Variants in EML6 observed in about 807,000 individuals in gnomAD.
EML6 encodes the protein EMAP like 6, also known as echinoderm microtubule-associated protein-like 6.
A neutral mutation model predicts 240.1 loss-of-function variants in EML6; 154 were observed. That is an observed-to-expected ratio of 0.64 (90% CI 0.56 to 0.73). EML6 has a LOEUF of 0.73. EML6 is among the 30% of genes least tolerant of loss of function. The pLI is 0.00. For missense variants in EML6, 2,964 were observed against 2,474.6 expected (o/e 1.20, Z -4.20); for synonymous variants, 1,148 against 899.0 (o/e 1.28, Z -4.95).
intron 2 of EML6, among the ~76,000 whole-genome samples, chr2:54,764,631 C>A (rs1305373069): frequency 2.0e-5 from 3 of 152,124 alleles, no homozygotes; most frequent in Non-Finnish European, 4.4e-5. Context: ...TTAAATTGTG[C>A]CTTCATCAAT....
intron 7 of EML6, among the ~76,000 whole-genome samples, chr2:54,839,803 C>T (rs1669342838): frequency 6.6e-6 from 1 of 152,200 alleles, no homozygotes; most frequent in Admixed American, 6.5e-5. Flanking sequence ...GTCTGAAAAA[C>T]ACTGAGTGCC....
At chr2:54,757,882 CTT>C (rs201468444) in intron 2 of EML6, among the ~76,000 whole-genome samples, 4 of 140,918 alleles carry the variant, frequency 2.8e-5, no homozygotes, top group African/African-American at 7.8e-5. Flanking sequence ...TTTCCAGCTC[CTT>C]TTTTTTTTTT....
intron 7 of EML6, among the ~76,000 whole-genome samples, chr2:54,835,298 T>A (rs1339997444): frequency 6.6e-6 from 1 of 152,222 alleles, no homozygotes; most frequent in African/African-American, 2.4e-5. Context: ...GGATCTTTGT[T>A]CACTGATGCC....
At position 54,962,675 on chromosome 2, in the gene EML6, C is replaced by A; in HGVS notation, c.5121C>A (p.Asn1707Lys). ...AGGACCTCTTCATCTCTGCCAGCAA[C>A]GATGGCACAGCCCGGATCTGGGACC... ...PSKDLFISASNDGTARIWDLA... is the reference protein window; with the variant it reads ...PSKDLFISASKDGTARIWDLA... The change falls in exon 36 of 42, where the codon AAC (asparagine) becomes AAA (lysine). Residue 1707 changes from asparagine to lysine, a missense_variant. By Grantham distance (94) the Asn-to-Lys change is moderately conservative. Coordinates refer to ENST00000356458, the MANE Select transcript of EML6 (RefSeq NM_001039753.4). 1 of 1,526,518 alleles carries A rather than the reference C, an allele frequency of 6.6e-7. No homozygotes were observed. Among genetic ancestry groups the A allele is most frequent in the Non-Finnish European group, 8.8e-7 (1 of 1,134,612 alleles). 94.6% of individuals were successfully genotyped at this position (1,526,518 alleles called of 1,614,324 possible).
At chr2:54,790,592 ATAGACT>A (rs1413202531) in intron 2 of EML6, among the ~76,000 whole-genome samples, 6 of 152,174 alleles carry the variant, frequency 3.9e-5, no homozygotes, top group African/African-American at 1.4e-4. Flanking sequence ...CTACATTTTA[ATAGACT>A]TAGAAGCAAG....
intron 17 of EML6, among the ~76,000 whole-genome samples, chr2:54,884,100 G>T (rs1264809977): frequency 6.6e-6 from 1 of 152,156 alleles, no homozygotes; most frequent in Non-Finnish European, 1.5e-5. Flanking sequence ...CTACCTGGAG[G>T]TAGCCTCAGA....
intron 5 of EML6, 101 bp from the exon 6 acceptor site, chr2:54,827,465 A>G (rs762630897): frequency 2.1e-6 from 2 of 974,982 alleles, no homozygotes; most frequent in South Asian, 3.2e-5. Flanking sequence ...CCTAGCTTGG[A>G]TAGAGCACAT....
intron 2 of EML6, among the ~76,000 whole-genome samples, chr2:54,764,631 C>T (rs1305373069): frequency 6.6e-6 from 1 of 152,124 alleles, no homozygotes; most frequent in Non-Finnish European, 1.5e-5. Context: ...TTAAATTGTG[C>T]CTTCATCAAT....
At chr2:54,939,897 A>G (rs928176761) in intron 28 of EML6, among the ~76,000 whole-genome samples, 2 of 152,254 alleles carry the variant, frequency 1.3e-5, no homozygotes, top group South Asian at 2.1e-4. Flanking sequence ...CTCTCCAGCC[A>G]TCTCAGCGGC....
intron 34 of EML6, 93 bp from the exon 35 acceptor site, chr2:54,960,127 C>T (rs1676427543): frequency 3.1e-6 from 3 of 957,898 alleles, no homozygotes; most frequent in Non-Finnish European, 4.8e-6. Flanking sequence ...CTGGCCAGAA[C>T]CCTGATGACT....
In EML6 at chr2:54,877,748, G is replaced by T. The variant is rs570117995; in HGVS notation, c.2345-1799G>T. Among the ~76,000 whole-genome samples, 5 of 152,264 alleles carry T rather than the reference G, an allele frequency of 3.3e-5. 1 individual carries two copies. Among genetic ancestry groups the T allele is most frequent in the African/African-American group, 1.2e-4 (5 of 41,466 alleles). ...GGTGATGATTTAGCCCTTAAGGAAA[G>T]TGTTAACGTCTTCATCTAATACTAC... On this transcript the variant is annotated intron_variant, in intron 16 of 41. Transcript: ENST00000356458.
intron 7 of EML6, among the ~76,000 whole-genome samples, chr2:54,837,581 C>T (rs933669157): frequency 6.6e-6 from 1 of 152,162 alleles, no homozygotes; most frequent in African/African-American, 2.4e-5. Context: ...GTCATTTGCT[C>T]ATCATCTTTG....
intron 11 of EML6, among the ~76,000 whole-genome samples, chr2:54,857,321 A>G (rs899343622): frequency 6.6e-6 from 1 of 152,142 alleles, no homozygotes; most frequent in African/African-American, 2.4e-5. Context: ...TAGAGAAGAC[A>G]TGAGGGCTGA....
intron 2 of EML6, among the ~76,000 whole-genome samples, chr2:54,780,628 T>C (rs971411172): frequency 6.6e-6 from 1 of 152,244 alleles, no homozygotes; most frequent in African/African-American, 2.4e-5. Context: ...ATGTTAATTG[T>C]CTAAGATAAT....
chr2:54,839,982 C>G (rs1291109251), intron 7 of EML6, among the ~76,000 whole-genome samples: 1 of 152,046 alleles, frequency 6.6e-6, no homozygotes, highest in African/African-American at 2.4e-5. Flanking sequence ...TGAATTTATT[C>G]CCCCAAATAA....
At chr2:54,759,412 C>T (rs1400673910) in intron 2 of EML6, among the ~76,000 whole-genome samples, 1 of 151,508 alleles carries the variant, frequency 6.6e-6, no homozygotes, top group Non-Finnish European at 1.5e-5. Flanking sequence ...GTGGTGGTAA[C>T]TATTATAAGA....
intron 39 of EML6, among the ~76,000 whole-genome samples, chr2:54,967,426 G>A (rs1036646560): frequency 6.6e-6 from 1 of 152,202 alleles, no homozygotes; most frequent in African/African-American, 2.4e-5. Flanking sequence ...CATTCGCTAG[G>A]GGAAGGGAGT....
intron 4 of EML6, among the ~76,000 whole-genome samples, chr2:54,817,682 C>T (rs977597222): frequency 6.6e-6 from 1 of 152,044 alleles, no homozygotes; most frequent in African/African-American, 2.4e-5. Context: ...ATCTTAAGAA[C>T]GTTTACAAAT....
intron 35 of EML6, among the ~76,000 whole-genome samples, chr2:54,961,184 G>GTTGTGTTTTTTTTTTTTTTTTTTTTTTT: frequency 1.8e-5 from 1 of 55,424 alleles, no homozygotes; most frequent in Non-Finnish European, 3.2e-5. Context: ...TCAGGAAGTA[G>GTTGTGTTTTTTTTTTTTTTTTTTTTTTT]TTTTTTTTTT....
Sources: gnomAD v4.1 joint callset for allele counts (sites outside exome capture counted in the v4.1 genomes callset) on GRCh38, gnomAD v4.1.1 for gene constraint, MANE v1.5 for transcripts, NCBI Gene and HGNC (gene_info 2026-07-23, HGNC 2026-07-21) for gene names.